Variants in B4GALNT3 observed in about 807,000 individuals in gnomAD.
The protein encoded by B4GALNT3 is beta-1,4-N-acetylgalactosaminyltransferase 3.
In B4GALNT3, 86 loss-of-function variants were observed where a neutral mutation model predicts 120.2. That is an observed-to-expected ratio of 0.72 (90% CI 0.60 to 0.86). The LOEUF (loss-of-function observed/expected upper bound fraction) is 0.86. B4GALNT3 is among the 40% of genes least tolerant of loss of function. The pLI, the probability that B4GALNT3 is intolerant of heterozygous loss-of-function variation, is 0.00. For missense variants in B4GALNT3, 1,167 were observed against 1,298.9 expected, an observed-to-expected ratio of 0.90 and a Z score of 1.56; for synonymous variants, 518 against 510.4, an observed-to-expected ratio of 1.01 and a Z score of -0.20.
At chr12:558,749 C>T (rs61916654) in intron 18 of B4GALNT3, 88 bp downstream of exon 18, 212,111 of 1,384,364 alleles carry the variant, frequency 0.15, 17,393 homozygotes, top group South Asian at 0.18. Context: ...TATCTATGAG[C>T]GTCAGCATCC....
intron 1 of B4GALNT3, among the ~76,000 whole-genome samples, chr12:506,348 C>T (rs937394015): frequency 1.3e-5 from 2 of 152,216 alleles, no homozygotes; most frequent in Non-Finnish European, 2.9e-5. Context: ...AAACCTTGGT[C>T]TCCTGACTTC....
chr12:555,985 A>G (rs7315427), intron 14 of B4GALNT3, among the ~76,000 whole-genome samples: 29,172 of 149,794 alleles, frequency 0.19, 4,692 homozygotes, highest in African/African-American at 0.44. Flanking sequence ...GGGTTTCACC[A>G]TATTAGCCAG....
intron 4 of B4GALNT3, 79 bp downstream of exon 4, chr12:544,513 A>G (rs2120692259): frequency 2.3e-6 from 3 of 1,291,934 alleles, no homozygotes; most frequent in South Asian, 1.2e-5. Flanking sequence ...ATCTTTCCTT[A>G]CATCTTTTCT....
At chr12:481,570 G>C (rs1447802486) in intron 1 of B4GALNT3, among the ~76,000 whole-genome samples, 1 of 152,218 alleles carries the variant, frequency 6.6e-6, no homozygotes, top group African/African-American at 2.4e-5. Flanking sequence ...CTGAGGCCAG[G>C]CAGACAGGCC....
chr12:461,823 G>A (rs1946025776), intron 1 of B4GALNT3, among the ~76,000 whole-genome samples: 1 of 152,316 alleles, frequency 6.6e-6, no homozygotes, highest in Non-Finnish European at 1.5e-5. Flanking sequence ...AAATCATTCC[G>A]GCTGTGAGTT....
Position 553,615 on chromosome 12 carries a change from G to A in B4GALNT3, c.1692G>A (p.Gln564=). The A allele has an allele frequency of 5.0e-6, 8 of 1,614,038 alleles. No individual in the cohort carries two copies. Among genetic ancestry groups the A allele is most frequent in the Non-Finnish European group, 5.1e-6 (6 of 1,179,912 alleles). The change falls in exon 14 of 20, where the codon CAG becomes CAA. Residue 564 remains glutamine, a synonymous_variant. Transcript: ENST00000266383. ...CCAGGAAGACTCAGTGGCTGAACCAGGTGGAGTCGTACATCGCAGAGCAGA... is the reference window on the plus strand; with the variant it reads ...CCAGGAAGACTCAGTGGCTGAACCAAGTGGAGTCGTACATCGCAGAGCAGA... ...DSPRKTQWLN[Q]VESYIAEQRR...
chr12:545,189 A>G (rs1592051598), intron 5 of B4GALNT3, 180 bp from the exon 6 acceptor site: 1 of 1,447,820 alleles, frequency 6.9e-7, no homozygotes, highest in Non-Finnish European at 9.1e-7. Context: ...TCATCTCTCC[A>G]TATAAGTCTT....
Position 460,469 on chromosome 12 carries a change from G to T in B4GALNT3, c.93G>T (p.Val31=). Residue 31 remains valine, a synonymous_variant, in exon 1 of 20, where the codon GTG becomes GTT. Coordinates refer to ENST00000266383, the MANE Select transcript of B4GALNT3 (RefSeq NM_173593.4). This position sits in a 1 kb window ranked among gnomAD's most constrained non-coding sequence, Gnocchi z 8.0. ...RRFRLLLALA[V]VSVGLWTLYL... ...TCCGGCTGCTGCTGGCGCTCGCCGT[G>T]GTGTCTGTGGGGCTCTGGACTCTGT... 1 of 1,586,012 alleles carries T rather than the reference G, an allele frequency of 6.3e-7. No individual in the cohort carries two copies.
At position 548,813 on chromosome 12, in the gene B4GALNT3, C is replaced by T. The variant is rs932221897; in HGVS notation, c.853+516C>T. ...TAGTCACAGCTACTGGGAAGGATCG[C>T]TTGAGCCCAGGAGTTCGAAGCTGAA... On this transcript the variant is annotated intron_variant, in intron 9 of 19. Coordinates refer to ENST00000266383, the MANE Select transcript of B4GALNT3 (RefSeq NM_173593.4). This position sits in a 1 kb window ranked among gnomAD's most constrained non-coding sequence, Gnocchi z 4.9. Among the ~76,000 whole-genome samples the T allele has an allele frequency of 1.3e-5, 2 of 152,174 alleles. No homozygotes were observed. Among genetic ancestry groups the T allele is most frequent in the African/African-American group, 4.8e-5 (2 of 41,424 alleles).
chr12:547,047 C>G (rs571127855), intron 7 of B4GALNT3, among the ~76,000 whole-genome samples: 1 of 152,360 alleles, frequency 6.6e-6, no homozygotes, highest in East Asian at 1.9e-4. Flanking sequence ...ACCGAGGTCC[C>G]CCTCGGTCGT....
At chr12:557,825 T>G (rs1947176276) in intron 16 of B4GALNT3, 64 bp downstream of exon 16, 1 of 1,549,326 alleles carries the variant, frequency 6.5e-7, no homozygotes, top group Non-Finnish European at 8.7e-7. Context: ...CTAGGGCTGC[T>G]GGGTCCAGGG....
intron 5 of B4GALNT3, 71 bp from the exon 6 acceptor site, chr12:545,298 C>T: frequency 1.3e-6 from 2 of 1,538,958 alleles, no homozygotes; most frequent in Non-Finnish European, 1.8e-6. Flanking sequence ...CGCTAAGACA[C>T]TCACAAAAGC....
chr12:492,311 G>C (rs1447622643), intron 1 of B4GALNT3, among the ~76,000 whole-genome samples: 1 of 152,092 alleles, frequency 6.6e-6, no homozygotes, highest in Non-Finnish European at 1.5e-5. Flanking sequence ...ATTGCTTTCT[G>C]ATATACCAGC....
At chr12:483,015 C>G (rs1946256522) in intron 1 of B4GALNT3, among the ~76,000 whole-genome samples, 2 of 152,150 alleles carry the variant, frequency 1.3e-5, no homozygotes, top group Non-Finnish European at 2.9e-5. Context: ...TCAAGTGATT[C>G]TTCCACTTCA....
chr12:527,976 G>A (rs1383776204), intron 1 of B4GALNT3, among the ~76,000 whole-genome samples: 1 of 152,014 alleles, frequency 6.6e-6, no homozygotes, highest in African/African-American at 2.4e-5. Flanking sequence ...GGTCATTGGA[G>A]AGGGGATAGG....
At chr12:510,498 A>AGTG (rs779202956) in intron 1 of B4GALNT3, among the ~76,000 whole-genome samples, 1 of 147,412 alleles carries the variant, frequency 6.8e-6, no homozygotes, top group African/African-American at 2.5e-5. Context: ...GCTGGGAGGG[A>AGTG]AACGGGCCCT....
intron 1 of B4GALNT3, among the ~76,000 whole-genome samples, chr12:497,143 T>C (rs1186977598): frequency 6.6e-6 from 1 of 151,954 alleles, no homozygotes; most frequent in Non-Finnish European, 1.5e-5. Context: ...CTTTCATTTA[T>C]TATTATTATT....
chr12:491,769 C>T (rs1039247709), intron 1 of B4GALNT3, among the ~76,000 whole-genome samples: 1 of 151,888 alleles, frequency 6.6e-6, no homozygotes, highest in Non-Finnish European at 1.5e-5. Context: ...AGGAACAAGG[C>T]AATAGGCCGG....
At chr12:470,005 G>A (rs1565586766) in intron 1 of B4GALNT3, among the ~76,000 whole-genome samples, 1 of 152,048 alleles carries the variant, frequency 6.6e-6, no homozygotes, top group Non-Finnish European at 1.5e-5. Flanking sequence ...TAACTAATTT[G>A]CCTGGTTTCC....
Sources: allele counts gnomAD v4.1 joint callset (sites outside exome capture counted in the v4.1 genomes callset), GRCh38; gene constraint gnomAD v4.1.1; non-coding constraint Gnocchi (gnomAD v3.1); transcripts MANE v1.5; gene names NCBI Gene and HGNC (gene_info 2026-07-23, HGNC 2026-07-21).